The following MYH6 variants were observed in gnomAD, a reference collection of about 807,000 sequenced individuals.
MYH6 encodes myosin heavy chain 6, also known as myosin-6.
MYH6 carries 126 observed loss-of-function variants against 223.2 expected under a neutral mutation model. That is an observed-to-expected ratio of 0.56 (90% CI 0.49 to 0.65). The LOEUF (loss-of-function observed/expected upper bound fraction) is 0.65, where lower values mean the gene tolerates loss of function less well. Ranked by LOEUF, MYH6 falls within the 30% of genes least tolerant of loss-of-function variation. The probability of loss-of-function intolerance (pLI) is 0.00; values close to 1 mark genes in which losing one functional copy is unlikely to be tolerated. For missense variants in MYH6, 2,040 were observed against 2,536.4 expected (o/e 0.80, Z 4.20); for synonymous variants, 978 against 1,010.2 (o/e 0.97, Z 0.61).
At chr14:23,399,217 C>T (rs1340454401) in intron 14 of MYH6, among the ~76,000 whole-genome samples, 180 bp from the exon 15 acceptor site, 2 of 152,128 alleles carry the variant, frequency 1.3e-5, no homozygotes, top group African/African-American at 4.8e-5. Flanking sequence ...TTAAAAAGCC[C>T]CTTCCTCCTC....
In MYH6 at chr14:23,407,219, G is replaced by A; in HGVS notation, c.5C>T (p.Thr2Ile). The change falls in exon 3 of 39, where the codon ACC (threonine) becomes ATC (isoleucine). Residue 2 changes from threonine (T) to isoleucine (I), a missense_variant. Transcript: ENST00000405093. The surrounding 1 kb of genome is among the most constrained non-coding windows in gnomAD (Gnocchi z 5.6). M[T>I]DAQMADFGAA... The stretch of plus-strand genomic sequence containing the variant: ...CCCAAAGTCAGCCATCTGGGCATCG[G>A]TCATCTTGGTGCTTCCCCTGGGTCA... The A allele has an allele frequency of 6.2e-7, 1 of 1,614,232 alleles. No individual in the cohort carries two copies. Among genetic ancestry groups the A allele is most frequent in the Non-Finnish European group, 8.5e-7 (1 of 1,180,048 alleles).
chr14:23,389,402 C>G lies in MYH6; in HGVS notation c.3969G>C (p.Glu1323Asp). The G allele has an allele frequency of 6.2e-7, 1 of 1,614,222 alleles. No homozygotes were observed. The highest frequency in any genetic ancestry group is 8.5e-7 in the Non-Finnish European group (1 of 1,180,036). The change falls in exon 28 of 39, where the codon GAG becomes GAC. Residue 1323 changes from glutamate (E) to aspartate (D), a missense_variant. Glu to Asp is a conservative substitution (Grantham distance 45). Around this residue, in one of 4 missense-constraint regions of MYH6, gnomAD observed 1,203 missense variants for 1,400.2 expected, o/e 0.86. Transcript: ENST00000405093. ...CCCCACTGGGCCTCACCTTGCCCTC[C>G]TCCTCCAGCTGCCTTTTGAGGTCCT... ...QMEDLKRQLE[E>D]EGKAKNALAH...
In MYH6 at chr14:23,392,943, C is replaced by A. The variant is rs375169402; in HGVS notation, c.3220G>T (p.Asp1074Tyr). ...TQESIMDLEN[D>Y]KLQLEEKLKK... Reference sequence around the variant, plus strand: ...AGCTTTTCTTCCAGCTGCAGTTTATCATTTTCCAGGTCCATGATGCTCTCC... The same window carrying A: ...AGCTTTTCTTCCAGCTGCAGTTTATAATTTTCCAGGTCCATGATGCTCTCC... The change falls in exon 24 of 39, where the codon GAT (aspartate) becomes TAT (tyrosine). Residue 1074 changes from aspartate (D) to tyrosine (Y), a missense_variant. Asp to Tyr is a radical substitution (Grantham distance 160). Coordinates refer to ENST00000405093, the MANE Select transcript of MYH6 (RefSeq NM_002471.4). 6.2e-6 allele frequency: 10 copies of A among 1,614,228 alleles called. No individual in the cohort carries two copies. The highest frequency in any genetic ancestry group is 8.5e-6 in the Non-Finnish European group (10 of 1,180,052).
chr14:23,399,928 C>G (rs1007912337), intron 14 of MYH6: 2 of 391,464 alleles, frequency 5.1e-6, no homozygotes, highest in East Asian at 1.2e-4. Context: ...GGTGGGAGGC[C>G]AAACATCTCT....
intron 31 of MYH6, 23 bp from the exon 32 acceptor site, chr14:23,387,676 G>A: frequency 6.2e-7 from 1 of 1,614,082 alleles, no homozygotes; most frequent in Non-Finnish European, 8.5e-7. Flanking sequence ...GGGCCAGAAA[G>A]CTCAAAGCCT....
In MYH6 at chr14:23,394,128, C is replaced by T. The variant is rs1277147670; in HGVS notation, c.2625G>A (p.Leu875=). 2 of 1,614,214 alleles carry T rather than the reference C, an allele frequency of 1.2e-6. No individual in the cohort carries two copies. Among genetic ancestry groups the T allele is most frequent in the Non-Finnish European group, 1.7e-6 (2 of 1,180,044 alleles). The change falls in exon 21 of 39, where the codon CTG becomes CTA. Residue 875 remains leucine, a synonymous_variant. Coordinates refer to ENST00000405093, the MANE Select transcript of MYH6 (RefSeq NM_002471.4). ...LEKSEARRKE[L]EEKMVSLLQE... ...GCAGCAGGGACACCATCTTCTCCTC[C>T]AGCTCCTTGCGGCGAGCCTCGGACT... is the stretch of plus-strand genomic sequence containing the variant.
intron 36 of MYH6, among the ~76,000 whole-genome samples, chr14:23,384,155 G>C (rs1229122132): frequency 6.7e-6 from 1 of 149,584 alleles, no homozygotes; most frequent in Admixed American, 6.7e-5. Context: ...TCTTTGAACT[G>C]TTCTGAAGTC....
chr14:23,400,135 TG>T, intron 14 of MYH6, 120 bp downstream of exon 14: 1 of 1,461,308 alleles, frequency 6.8e-7, no homozygotes, highest in Non-Finnish European at 9.5e-7. Context: ...GGGGAGAAGC[TG>T]GGCCTGGAGA....
At chr14:23,387,958 A>G in intron 30 of MYH6, 35 bp from the exon 31 acceptor site, 2 of 1,611,242 alleles carry the variant, frequency 1.2e-6, no homozygotes, top group East Asian at 2.2e-5. Context: ...TCAGCCCCCC[A>G]GCCTTAGCTC....
intron 3 of MYH6, 49 bp downstream of exon 3, chr14:23,406,974 T>C (rs900772285): frequency 1.9e-6 from 3 of 1,598,924 alleles, no homozygotes; most frequent in Non-Finnish European, 2.6e-6. Context: ...CTCTGCATCT[T>C]CTTTCCCAGA....
At position 23,386,101 on chromosome 14, in the gene MYH6, G is replaced by A. The variant is rs780842934; in HGVS notation, c.4990C>T (p.Arg1664Cys). The change falls in exon 34 of 39, where the codon CGT becomes TGT. Residue 1664 changes from arginine (R) to cysteine (C), a missense_variant. By Grantham distance (180) the Arg-to-Cys change is radical. Transcript: ENST00000405093. Reference sequence around the variant, plus strand: ...TTCTCCTTCAGGTCGTCGTTGGCACGGACCGCATCGTCCAGCTGGATCTGG... The same window carrying A: ...TTCTCCTTCAGGTCGTCGTTGGCACAGACCGCATCGTCCAGCTGGATCTGG... ...DTQIQLDDAV[R>C]ANDDLKENIA... 11 of 1,614,116 alleles carry A rather than the reference G, an allele frequency of 6.8e-6. No individual in the cohort carries two copies. The highest frequency in any genetic ancestry group is 2.2e-5 in the East Asian group (1 of 44,900).
chr14:23,397,994 CTTCTTCTTCTT>C (rs1891477579), intron 15 of MYH6, among the ~76,000 whole-genome samples: 1 of 143,158 alleles, frequency 7.0e-6, no homozygotes, highest in Non-Finnish European at 1.5e-5. Context: ...TCTTCTTCTT[CTTCTTCTTCTT>C]CTTCTTCTTC....
At chr14:23,401,638 G>A (rs1891605589) in intron 12 of MYH6, among the ~76,000 whole-genome samples, 1 of 152,186 alleles carries the variant, frequency 6.6e-6, no homozygotes, top group Admixed American at 6.5e-5. Context: ...TGTGGCTGAG[G>A]GGCTAGATGT....
chr14:23,404,491 G>T, intron 7 of MYH6, 103 bp from the exon 8 acceptor site: 6 of 1,400,026 alleles, frequency 4.3e-6, no homozygotes, highest in Non-Finnish European at 6.1e-6. Context: ...GGGGTGCGGG[G>T]CTGGGTGAAC....
In MYH6 at chr14:23,383,332, AGGGTGG is replaced by A; in HGVS notation, c.5566-18_5566-13del. On this transcript the variant is annotated splice_polypyrimidine_tract_variant and intron_variant, in intron 36 of 38. Transcript: ENST00000405093. The stretch of plus-strand genomic sequence containing the variant: ...TTGTCTTCCTCTGTCTGGGGGTGGG[AGGGTGG>A]GAGAAGCTGGTTTGGAGGGGGAGCA... 1.8e-5 allele frequency: 1 copy of A among 55,080 alleles called. No individual in the cohort carries two copies. The highest frequency in any genetic ancestry group is 1.6e-4 in the South Asian group (1 of 6,374). 3.4% of individuals were successfully genotyped at this position (55,080 alleles called of 1,614,324 possible).
At chr14:23,388,729 A>T in intron 29 of MYH6, 130 bp downstream of exon 29, 1 of 1,362,064 alleles carries the variant, frequency 7.3e-7, no homozygotes, top group Non-Finnish European at 1.1e-6. Context: ...TCTTCCAAGC[A>T]CTTCTGTTGC....
chr14:23,404,594 G>A (rs1272564563), intron 7 of MYH6, 117 bp downstream of exon 7: 9 of 1,153,218 alleles, frequency 7.8e-6, no homozygotes, highest in East Asian at 7.4e-5. Flanking sequence ...CTGACCATCG[G>A]GAGCCCAGCT....
At chr14:23,388,637 G>C in intron 29 of MYH6, 1 of 873,278 alleles carries the variant, frequency 1.1e-6, no homozygotes, top group Non-Finnish European at 2.0e-6. Context: ...TGAGCATCAG[G>C]TATAACCCGG....
At chr14:23,385,873 T>C (rs1891001490) in intron 34 of MYH6, 55 bp downstream of exon 34, 1 of 1,613,028 alleles carries the variant, frequency 6.2e-7, no homozygotes, top group Admixed American at 1.7e-5. Context: ...CTTTTCTAGA[T>C]GTCCTGGGCT....
Sources: gnomAD v4.1 joint callset for allele counts (sites outside exome capture counted in the v4.1 genomes callset) on GRCh38, gnomAD v4.1.1 for gene constraint, gnomAD v4.1.1 regional missense constraint, Gnocchi (gnomAD v3.1) non-coding constraint, MANE v1.5 for transcripts, NCBI Gene and HGNC (gene_info 2026-07-23, HGNC 2026-07-21) for gene names.